Variants in INTS7 observed in about 807,000 individuals in gnomAD.
The protein encoded by INTS7 is integrator complex subunit 7.
A neutral mutation model predicts 109.2 loss-of-function variants in INTS7; 46 were observed. That is an observed-to-expected ratio of 0.42 (90% CI 0.33 to 0.54). The LOEUF is 0.54. Ranked by LOEUF, INTS7 falls within the 20% of genes least tolerant of loss-of-function variation. The pLI is 0.07. For synonymous variants in INTS7, 412 were observed against 402.9 expected, an observed-to-expected ratio of 1.02 and a Z score of -0.27; for missense variants, 929 against 1,132.4, an observed-to-expected ratio of 0.82 and a Z score of 2.58.
At chr1:212,002,616 G>A (rs1402568161) in intron 7 of INTS7, among the ~76,000 whole-genome samples, 1 of 152,134 alleles carries the variant, frequency 6.6e-6, no homozygotes, top group Admixed American at 6.5e-5. Context: ...CCTTCCTTTA[G>A]GGGCCCACAA....
At chr1:211,970,524 T>C (rs1414554959) in intron 13 of INTS7, among the ~76,000 whole-genome samples, 1 of 152,194 alleles carries the variant, frequency 6.6e-6, no homozygotes, top group East Asian at 1.9e-4. Context: ...TACAATATTA[T>C]CTGGCCAATT....
intron 16 of INTS7, among the ~76,000 whole-genome samples, chr1:211,954,856 T>C (rs1397688872): frequency 6.6e-6 from 1 of 152,110 alleles, no homozygotes; most frequent in African/African-American, 2.4e-5. Flanking sequence ...GTTCTTTTGG[T>C]TTAGGATTGA....
intron 4 of INTS7, among the ~76,000 whole-genome samples, 190 bp downstream of exon 4, chr1:212,016,696 T>C (rs1233772610): frequency 6.6e-6 from 1 of 152,266 alleles, no homozygotes; most frequent in Non-Finnish European, 1.5e-5. Context: ...CCAACATTTG[T>C]ACTTACATTT....
At chr1:211,994,972 A>T (rs903058635) in intron 7 of INTS7, among the ~76,000 whole-genome samples, 1 of 152,046 alleles carries the variant, frequency 6.6e-6, no homozygotes, top group Non-Finnish European at 1.5e-5. Context: ...TATTACAAAA[A>T]AGAAACTTCA....
chr1:212,032,830 T>C (rs893024490), intron 1 of INTS7, among the ~76,000 whole-genome samples: 5 of 152,240 alleles, frequency 3.3e-5, no homozygotes, highest in Non-Finnish European at 5.9e-5. Context: ...TCCAGATAAC[T>C]GCATGCAAAG....
chr1:211,991,840 A>C (rs1350953515), intron 7 of INTS7, among the ~76,000 whole-genome samples: 1 of 152,224 alleles, frequency 6.6e-6, no homozygotes, highest in South Asian at 2.1e-4. Context: ...AATACAGAGA[A>C]GGTGCAGGTT....
intron 7 of INTS7, among the ~76,000 whole-genome samples, chr1:211,994,077 G>A (rs1161647657): frequency 6.6e-6 from 1 of 151,790 alleles, no homozygotes; most frequent in Admixed American, 6.6e-5. Flanking sequence ...CTGAGACAAA[G>A]GCAGAAAGTA....
chr1:211,961,430 C>CT (rs768933469), intron 16 of INTS7, among the ~76,000 whole-genome samples: 4,209 of 143,656 alleles, frequency 0.029, 62 homozygotes, highest in African/African-American at 0.05. Flanking sequence ...ATATTCAATT[C>CT]TTTTTTTTTT....
intron 7 of INTS7, among the ~76,000 whole-genome samples, chr1:211,991,454 T>C (rs138774783): frequency 2.3e-4 from 35 of 152,296 alleles, no homozygotes; most frequent in African/African-American, 8.2e-4. Context: ...AAAAAATAGA[T>C]ATTGGTTGCC....
chr1:211,981,813 G>C (rs1334593906), intron 9 of INTS7, among the ~76,000 whole-genome samples: 1 of 152,154 alleles, frequency 6.6e-6, no homozygotes, highest in Non-Finnish European at 1.5e-5. Flanking sequence ...ATATATTTCA[G>C]TGTTGAGAAC....
intron 7 of INTS7, among the ~76,000 whole-genome samples, chr1:212,000,161 T>C (rs1665598879): frequency 6.6e-6 from 1 of 151,622 alleles, no homozygotes; most frequent in African/African-American, 2.4e-5. Context: ...TAAACACAAA[T>C]GTACAAGATA....
rs776828974 is a variant in INTS7 at position 211,959,869 on chromosome 1, C to T, written c.2183+6561G>A. On this transcript the variant is annotated intron_variant, in intron 16 of 19. Coordinates refer to ENST00000366994, the MANE Select transcript of INTS7 (RefSeq NM_015434.4). The surrounding 1 kb of genome is among the most constrained non-coding windows in gnomAD (Gnocchi z 4.2). ...ACAGGGTTCCCCTGCACCCCACCGG[C>T]CACCTGCGCTGCCTCTGCTGCTGCT... is the stretch of plus-strand genomic sequence containing the variant. Among the ~76,000 whole-genome samples, 2 of 152,346 alleles carry T rather than the reference C, an allele frequency of 1.3e-5. No individual in the cohort carries two copies. The highest frequency in any genetic ancestry group is 2.1e-4 in the South Asian group (1 of 4,826).
intron 11 of INTS7, 40 bp from the exon 12 acceptor site, chr1:211,976,759 T>C: frequency 6.2e-7 from 1 of 1,604,424 alleles, no homozygotes; most frequent in Admixed American, 1.7e-5. Flanking sequence ...AATCATTTAA[T>C]TTTATTCAGT....
At chr1:211,964,961 C>T (rs186281770) in intron 16 of INTS7, among the ~76,000 whole-genome samples, 3 of 152,100 alleles carry the variant, frequency 2.0e-5, no homozygotes, top group African/African-American at 7.2e-5. Flanking sequence ...CAAATGGGAT[C>T]TAATAAAACT....
chr1:211,983,841 GTTTGT>G (rs1267235542), intron 8 of INTS7, among the ~76,000 whole-genome samples: 3 of 137,098 alleles, frequency 2.2e-5, no homozygotes, highest in Non-Finnish European at 1.6e-5. Context: ...TTGGGTTTTT[GTTTGT>G]TTTGTTTTGT....
intron 3 of INTS7, among the ~76,000 whole-genome samples, chr1:212,019,291 G>C (rs909129897): frequency 7.9e-5 from 12 of 152,012 alleles, no homozygotes; most frequent in African/African-American, 2.9e-4. Flanking sequence ...ATTGAATATA[G>C]CTTTCAAAAG....
intron 13 of INTS7, among the ~76,000 whole-genome samples, chr1:211,969,172 C>A (rs1664046739): frequency 6.6e-6 from 1 of 151,530 alleles, no homozygotes; most frequent in Admixed American, 6.6e-5. Context: ...GTAGTCCCAG[C>A]TACTCGGGAG....
chr1:211,968,551 C>T lies in INTS7; in HGVS notation c.1972G>A (p.Gly658Arg). ...AIATTIAMTL[G>R]NDLQRCGRIS... ...CGACCACACCTCTGGAGGTCATTTC[C>T]TAAGGTCATGGCAATTGTTGTGGCA... Residue 658 changes from glycine (G) to arginine (R), a missense_variant, in exon 14 of 20, where the codon GGA becomes AGA. By Grantham distance (125) the Gly-to-Arg change is moderately radical. Coordinates refer to ENST00000366994, the MANE Select transcript of INTS7 (RefSeq NM_015434.4). 1 of 1,613,908 alleles carries T rather than the reference C, an allele frequency of 6.2e-7. No individual in the cohort carries two copies.
rs1299387931 is a variant in INTS7 at position 211,941,396 on chromosome 1, C to T, written c.*428G>A. On this transcript the variant is annotated 3_prime_UTR_variant, in exon 20 of 20. Transcript: ENST00000366994. ...TATTTATTTTTTTGAGACGGAGTCT[C>T]GCTCTGTCGCCCAGGCTGGAGCACA... 3.9e-5 allele frequency: 6 copies of T among 155,292 alleles called. No homozygotes were observed. The highest frequency in any genetic ancestry group is 1.9e-4 in the East Asian group (1 of 5,304). 9.6% of individuals were successfully genotyped at this position (155,292 alleles called of 1,614,324 possible). A position where few individuals can be genotyped will look rare whatever the true frequency, so the allele number is the denominator to read the frequency against.
Sources: allele counts gnomAD v4.1 joint callset (sites outside exome capture counted in the v4.1 genomes callset), GRCh38; gene constraint gnomAD v4.1.1; non-coding constraint Gnocchi (gnomAD v3.1); transcripts MANE v1.5; gene names NCBI Gene and HGNC (gene_info 2026-07-23, HGNC 2026-07-21).